The following SLC12A6 variants were observed in gnomAD, a reference collection of about 807,000 sequenced individuals.
SLC12A6 encodes the protein solute carrier family 12 member 6.
A neutral mutation model predicts 135.3 loss-of-function variants in SLC12A6; 66 were observed. The ratio of observed to expected loss-of-function variants is 0.49; its 90% CI spans 0.40 to 0.60. The LOEUF (loss-of-function observed/expected upper bound fraction) is 0.60, where lower values mean the gene tolerates loss of function less well. Among genes scored for constraint, SLC12A6 ranks in the 20% least tolerant of loss-of-function variants. The pLI, the probability that SLC12A6 is intolerant of heterozygous loss-of-function variation, is 0.00. For synonymous variants in SLC12A6, 513 were observed against 508.8 expected (o/e 1.01, Z -0.11); for missense variants, 1,058 against 1,452.3 (o/e 0.73, Z 4.41).
rs1891820031 is a variant in SLC12A6 at position 34,243,974 on chromosome 15, C to CA, written c.2041dup (p.Trp681LeufsTer38). The CA allele has an allele frequency of 6.5e-7, 1 of 1,536,116 alleles. No individual in the cohort carries two copies. Among genetic ancestry groups the CA allele is most frequent in the Non-Finnish European group, 9.0e-7 (1 of 1,108,984 alleles). ...AAAAGAATAAAAGAAGCAGACTTAC[C>CA]AATGGTAGTAGCGGAATCGGGGTCT... On this transcript the variant is annotated frameshift_variant and splice_region_variant, in exon 16 of 26. Coordinates refer to ENST00000354181, the MANE Select transcript of SLC12A6 (RefSeq NM_001365088.1). LOFTEE classifies it high-confidence loss of function.
intron 14 of SLC12A6, 55 bp downstream of exon 14, chr15:34,245,638 T>A: frequency 6.9e-7 from 1 of 1,442,240 alleles, no homozygotes; most frequent in South Asian, 1.1e-5. Context: ...AAGACCACAC[T>A]GTTTCTCATT....
chr15:34,248,121 G>A (rs938719733), intron 13 of SLC12A6, among the ~76,000 whole-genome samples: 1 of 152,042 alleles, frequency 6.6e-6, no homozygotes, highest in African/African-American at 2.4e-5. Flanking sequence ...TTTTTTTGGG[G>A]GGAGGTGTAT....
chr15:34,263,046 C>T (rs534095742), intron 3 of SLC12A6, among the ~76,000 whole-genome samples: 1 of 152,198 alleles, frequency 6.6e-6, no homozygotes, highest in East Asian at 1.9e-4. Context: ...AAAGGATTAC[C>T]CATACCCCAA....
At chr15:34,337,099 G>A (rs1890251032) in intron 1 of SLC12A6, 3 of 309,772 alleles carry the variant, frequency 9.7e-6, no homozygotes, top group Non-Finnish European at 1.9e-5. Context: ...TCTGGTGAGT[G>A]TCCCACGGTT....
chr15:34,259,537 C>A (rs902254391), intron 4 of SLC12A6, among the ~76,000 whole-genome samples: 3 of 152,058 alleles, frequency 2.0e-5, no homozygotes, highest in Non-Finnish European at 4.4e-5. Context: ...GTAGTCCCAG[C>A]TACTAGGGAG....
intron 13 of SLC12A6, among the ~76,000 whole-genome samples, chr15:34,247,703 CCTGA>C (rs1431789735): frequency 1.3e-5 from 2 of 148,586 alleles, no homozygotes; most frequent in African/African-American, 2.5e-5. Flanking sequence ...TCTCCACTAT[CCTGA>C]CTTTTTTTTT....
chr15:34,305,244 T>G (rs1464426234), intron 2 of SLC12A6, among the ~76,000 whole-genome samples: 1 of 152,238 alleles, frequency 6.6e-6, no homozygotes, highest in Non-Finnish European at 1.5e-5. Context: ...AACTTCATTC[T>G]GCACACTGAA....
At chr15:34,275,888 T>C (rs753856848) in intron 2 of SLC12A6, among the ~76,000 whole-genome samples, 55 of 152,196 alleles carry the variant, frequency 3.6e-4, no homozygotes, top group Non-Finnish European at 6.0e-4. Flanking sequence ...TCAATTTATA[T>C]AAAATGTTGA....
chr15:34,262,786 T>G lies in SLC12A6; in HGVS notation c.317-1766A>C, dbSNP rs542431110. Among the ~76,000 whole-genome samples the G allele has an allele frequency of 3.3e-5, 5 of 152,280 alleles. No homozygotes were observed. In the South Asian group the frequency reaches 1.0e-3, roughly 32 times the overall value. On this transcript the variant is annotated intron_variant, in intron 3 of 25. Transcript: ENST00000354181. The stretch of plus-strand genomic sequence containing the variant: ...ATACAGCCCGCTTCTGTCTCACTGC[T>G]TGGAGCAGCCAGCTGGACACTGCAC...
intron 2 of SLC12A6, among the ~76,000 whole-genome samples, chr15:34,320,888 G>A (rs1196063086): frequency 2.0e-5 from 3 of 151,530 alleles, no homozygotes; most frequent in South Asian, 2.1e-4. Flanking sequence ...CAGCCTGGGC[G>A]ACAGAGCAAG....
chr15:34,295,220 A>G (rs1239493184), intron 2 of SLC12A6, among the ~76,000 whole-genome samples: 1 of 152,192 alleles, frequency 6.6e-6, no homozygotes, highest in Non-Finnish European at 1.5e-5. Flanking sequence ...AGAGCCCACT[A>G]TGACAGCTGT....
At chr15:34,277,426 C>T (rs1018558450) in intron 2 of SLC12A6, among the ~76,000 whole-genome samples, 1 of 151,944 alleles carries the variant, frequency 6.6e-6, no homozygotes, top group African/African-American at 2.4e-5. Flanking sequence ...ACAGTGAGAC[C>T]TCATCTCTCC....
intron 2 of SLC12A6, among the ~76,000 whole-genome samples, chr15:34,303,521 C>T (rs1207893270): frequency 1.3e-5 from 2 of 152,082 alleles, no homozygotes; most frequent in East Asian, 3.8e-4. Context: ...ACTAGTTCCT[C>T]TTTAAAAAAA....
Position 34,275,249 on chromosome 15 carries a change from G to T in SLC12A6, c.316+96C>A. ...TTGGGTGGGAAGTAGAAAAGGAGGG[G>T]ATAGAAAATAGAATCAGAGAAGGGA... On this transcript the variant is annotated intron_variant, in intron 3 of 25. Coordinates refer to ENST00000354181, the MANE Select transcript of SLC12A6 (RefSeq NM_001365088.1). 5 of 706,260 alleles carry T rather than the reference G, an allele frequency of 7.1e-6. No individual in the cohort carries two copies. In the South Asian group the frequency reaches 8.3e-5, roughly 12 times the overall value. 43.7% of individuals were successfully genotyped at this position (706,260 alleles called of 1,614,324 possible). A position where few individuals can be genotyped will look rare whatever the true frequency, so the allele number is the denominator to read the frequency against.
intron 25 of SLC12A6, 139 bp downstream of exon 25, chr15:34,235,042 C>T: frequency 1.2e-6 from 1 of 823,204 alleles, no homozygotes; most frequent in Non-Finnish European, 2.1e-6. Flanking sequence ...TGTAAAAATC[C>T]TTGCCTAGGA....
intron 3 of SLC12A6, among the ~76,000 whole-genome samples, chr15:34,270,386 T>C (rs904291784): frequency 2.2e-4 from 34 of 152,174 alleles, no homozygotes; most frequent in African/African-American, 7.2e-4. Context: ...GCGTGTGCCA[T>C]TGTGCCTGGC....
intron 22 of SLC12A6, chr15:34,237,068 C>T (rs896193605): frequency 9.8e-6 from 5 of 510,838 alleles, no homozygotes; most frequent in Non-Finnish European, 1.8e-5. Context: ...AATACAAACT[C>T]CAGTCTCTCT....
intron 2 of SLC12A6, among the ~76,000 whole-genome samples, chr15:34,310,005 CTT>C (rs879478639): frequency 4.2e-5 from 6 of 144,054 alleles, no homozygotes; most frequent in South Asian, 2.2e-4. Flanking sequence ...AAGAGATAAT[CTT>C]TTTTTTTTTT....
chr15:34,319,755 C>A (rs1054379640), intron 2 of SLC12A6, among the ~76,000 whole-genome samples: 2 of 150,890 alleles, frequency 1.3e-5, no homozygotes, highest in African/African-American at 4.9e-5. Context: ...GCAGAGATTG[C>A]GCCACTGCAC....
Sources: allele counts gnomAD v4.1 joint callset (sites outside exome capture counted in the v4.1 genomes callset), GRCh38; gene constraint gnomAD v4.1.1; transcripts MANE v1.5; gene names NCBI Gene and HGNC (gene_info 2026-07-23, HGNC 2026-07-21).